STAT5B: variants seen among roughly 807,000 people sequenced by gnomAD.
STAT5B encodes transcription factor STAT5B.
In STAT5B, 21 loss-of-function variants were observed where a neutral mutation model predicts 107.8. The observed-to-expected ratio is 0.19, with a 90% confidence interval of 0.14 to 0.28. The LOEUF (loss-of-function observed/expected upper bound fraction) is 0.28. Ranked by LOEUF, STAT5B falls within the 10% of genes least tolerant of loss-of-function variation. The pLI, the probability that STAT5B is intolerant of heterozygous loss-of-function variation, is 1.00. For missense variants in STAT5B, 565 were observed against 1,008.2 expected (o/e 0.56, Z 5.95); for synonymous variants, 325 against 401.7 (o/e 0.81, Z 2.28).
At chr17:42,239,237 AC>A (rs1172485903) in intron 1 of STAT5B, among the ~76,000 whole-genome samples, 3 of 131,020 alleles carry the variant, frequency 2.3e-5, no homozygotes, top group Middle Eastern at 3.9e-3. Flanking sequence ...ACAGAGCAAG[AC>A]TCTGTCTCAA....
intron 1 of STAT5B, among the ~76,000 whole-genome samples, chr17:42,256,362 T>A (rs1165775476): frequency 6.6e-6 from 1 of 152,104 alleles, no homozygotes; most frequent in Non-Finnish European, 1.5e-5. Flanking sequence ...ATTATAGGCA[T>A]GAGCCACTGC....
intron 1 of STAT5B, among the ~76,000 whole-genome samples, chr17:42,238,610 C>T (rs1027300554): frequency 1.3e-5 from 2 of 151,548 alleles, no homozygotes; most frequent in African/African-American, 4.9e-5. Flanking sequence ...CCCGCCACCA[C>T]GCCTGGCTAA....
At position 42,217,480 on chromosome 17, in the gene STAT5B, A is replaced by G; in HGVS notation, c.1170-16T>C. 1 of 1,614,176 alleles carries G rather than the reference A, an allele frequency of 6.2e-7. No homozygotes were observed. Among genetic ancestry groups the G allele is most frequent in the Non-Finnish European group, 8.5e-7 (1 of 1,180,012 alleles). The stretch of plus-strand genomic sequence containing the variant: ...ACTGTAATCACTGCAAATCAGAGAG[A>G]GACCAGCTCCAAACCCATGCCAGGG... On this transcript the variant is annotated splice_polypyrimidine_tract_variant and intron_variant, in intron 9 of 18. Transcript: ENST00000293328.
chr17:42,285,183 G>A, the STAT5B span, among the ~76,000 whole-genome samples: 52 of 151,566 alleles, frequency 3.4e-4, no homozygotes, highest in Middle Eastern at 3.4e-3. Flanking sequence ...TCCGCCTCCT[G>A]TGTTCAAGAG....
At chr17:42,280,088 C>T (rs1267191680), upstream of STAT5B, among the ~76,000 whole-genome samples, 1 of 152,030 alleles carries the variant, frequency 6.6e-6, no homozygotes, top group East Asian at 1.9e-4. Flanking sequence ...TGAGGGGACA[C>T]CAGACTTAAG....
chr17:42,215,725 T>C (rs777314602), intron 12 of STAT5B, among the ~76,000 whole-genome samples: 10 of 152,118 alleles, frequency 6.6e-5, no homozygotes, highest in Non-Finnish European at 8.8e-5. Flanking sequence ...TTCAAGTGAT[T>C]GTCGTGCCTC....
chr17:42,268,894 T>G (rs2080697471), intron 1 of STAT5B, among the ~76,000 whole-genome samples: 2 of 152,214 alleles, frequency 1.3e-5, no homozygotes, highest in South Asian at 2.1e-4. Flanking sequence ...AATGCTATAT[T>G]ACAAAGCTGA....
chr17:42,230,311 T>A (rs1167936815), intron 2 of STAT5B, among the ~76,000 whole-genome samples: 1 of 152,198 alleles, frequency 6.6e-6, no homozygotes, highest in Non-Finnish European at 1.5e-5. Context: ...AATAGCAGCA[T>A]CAAAGCTGGT....
chr17:42,220,184 G>A (rs2144253552), intron 5 of STAT5B, among the ~76,000 whole-genome samples: 1 of 152,316 alleles, frequency 6.6e-6, no homozygotes, highest in African/African-American at 2.4e-5. Context: ...TGTCTGGGGT[G>A]TAAGTGTGCC....
In STAT5B at chr17:42,201,632, A is replaced by C; in HGVS notation, c.*106T>G. 1.2e-6 allele frequency: 1 copy of C among 857,806 alleles called. No individual in the cohort carries two copies. Among genetic ancestry groups the C allele is most frequent in the Non-Finnish European group, 2.0e-6 (1 of 499,706 alleles). The allele number at this position is 857,806 out of a possible 1,614,324, so 53.1% of individuals were successfully genotyped here. The stretch of plus-strand genomic sequence containing the variant: ...GTCACAACTAGTATTAACACTTCAC[A>C]TTATGAGTATTGTTTCAAAAGAGAA... On this transcript the variant is annotated 3_prime_UTR_variant, in exon 19 of 19. Coordinates refer to ENST00000293328, the MANE Select transcript of STAT5B (RefSeq NM_012448.4).
At chr17:42,253,928 A>T (rs1240910500) in intron 1 of STAT5B, among the ~76,000 whole-genome samples, 2 of 152,154 alleles carry the variant, frequency 1.3e-5, no homozygotes, top group African/African-American at 4.8e-5. Context: ...TAAATTTTAA[A>T]AATAACTTTC....
chr17:42,266,542 A>G (rs1237537284), intron 1 of STAT5B, among the ~76,000 whole-genome samples: 1 of 151,090 alleles, frequency 6.6e-6, no homozygotes, highest in Non-Finnish European at 1.5e-5. Flanking sequence ...ACTGTCTCAA[A>G]AAATAAAAAA....
At chr17:42,215,792 G>A (rs1316215998) in intron 12 of STAT5B, among the ~76,000 whole-genome samples, 3 of 151,874 alleles carry the variant, frequency 2.0e-5, no homozygotes, top group Non-Finnish European at 2.9e-5. Context: ...CTAATTTTTC[G>A]GTATTTTTTA....
At chr17:42,224,369 G>A (rs2080255779) in intron 4 of STAT5B, among the ~76,000 whole-genome samples, 1 of 150,974 alleles carries the variant, frequency 6.6e-6, no homozygotes, top group Non-Finnish European at 1.5e-5. Flanking sequence ...TTTGAGACAG[G>A]GTCTCACTCC....
At chr17:42,236,235 GCTCA>G (rs2080355488) in intron 1 of STAT5B, among the ~76,000 whole-genome samples, 1 of 152,100 alleles carries the variant, frequency 6.6e-6, no homozygotes, top group Admixed American at 6.5e-5. Context: ...AGTAGATTCT[GCTCA>G]CTGCTATTCA....
the STAT5B span, among the ~76,000 whole-genome samples, chr17:42,285,368 AG>A: frequency 1.3e-5 from 2 of 152,232 alleles, no homozygotes; most frequent in Non-Finnish European, 2.9e-5. Context: ...CTGGGATTAC[AG>A]GCGTGAGCCA....
At chr17:42,237,683 C>T (rs1014126995) in intron 1 of STAT5B, among the ~76,000 whole-genome samples, 3 of 151,988 alleles carry the variant, frequency 2.0e-5, no homozygotes, top group Non-Finnish European at 2.9e-5. Flanking sequence ...TTTGTAATTC[C>T]GATTCTCCAT....
chr17:42,208,187 C>T (rs961378833), intron 15 of STAT5B, among the ~76,000 whole-genome samples: 5 of 152,028 alleles, frequency 3.3e-5, no homozygotes, highest in South Asian at 2.1e-4. Context: ...CCACCGTGCC[C>T]GGCCTGAAAT....
chr17:42,244,744 A>G (rs895510454), intron 1 of STAT5B, among the ~76,000 whole-genome samples: 2 of 152,142 alleles, frequency 1.3e-5, no homozygotes, highest in African/African-American at 4.8e-5. Context: ...AGGGATATAT[A>G]CCGTCGGGAC....
Sources: gnomAD v4.1 joint callset for allele counts (sites outside exome capture counted in the v4.1 genomes callset) on GRCh38, gnomAD v4.1.1 for gene constraint, MANE v1.5 for transcripts, NCBI Gene and HGNC (gene_info 2026-07-23, HGNC 2026-07-21) for gene names.